The following PDE4A variants were observed in gnomAD, a reference collection of about 807,000 sequenced individuals.
The protein encoded by PDE4A is phosphodiesterase 4A, also known as 3',5'-cyclic-AMP phosphodiesterase 4A.
PDE4A carries 21 observed loss-of-function variants against 73.9 expected under a neutral mutation model. The ratio of observed to expected loss-of-function variants is 0.28; its 90% CI spans 0.20 to 0.41. The LOEUF is 0.41. Among genes scored for constraint, PDE4A ranks in the 10% least tolerant of loss-of-function variants. The pLI, the probability that PDE4A is intolerant of heterozygous loss-of-function variation, is 1.00. For missense variants in PDE4A, 958 were observed against 1,211.4 expected (o/e 0.79, Z 3.10); for synonymous variants, 463 against 505.4 (o/e 0.92, Z 1.13).
Position 10,467,338 on chromosome 19 carries a change from C to T in PDE4A, c.2378C>T (p.Pro793Leu), listed in dbSNP as rs201230564. 1.5e-5 allele frequency: 24 copies of T among 1,614,066 alleles called. No homozygotes were observed. The highest frequency in any genetic ancestry group is 5.5e-5 in the South Asian group (5 of 91,088). Residue 793 changes from proline (P) to leucine (L), a missense_variant, in exon 15 of 15, where the codon CCG (proline) becomes CTG (leucine). By Grantham distance (98) the Pro-to-Leu change is moderately conservative (BLOSUM62 -3). This residue lies in a region of PDE4A where 243 missense variants were observed against 245.9 expected (regional missense o/e 0.99). Coordinates refer to ENST00000380702, the MANE Select transcript of PDE4A (RefSeq NM_001111307.2). Reference protein sequence around the residue: ...AQSTGSAPVAPDEFSSREEFV... With the variant: ...AQSTGSAPVALDEFSSREEFV... The stretch of plus-strand genomic sequence containing the variant: ...TCCACAGGCAGTGCACCTGTGGCTC[C>T]GGATGAGTTCTCGTCCCGGGAGGAA...
chr19:10,419,058 T>TA, upstream of PDE4A: 1 of 389,114 alleles, frequency 2.6e-6, no homozygotes, highest in Non-Finnish European at 3.2e-6. Flanking sequence ...CCGGCAGTCT[T>TA]TTTTTTTTTT....
chr19:10,419,878 C>T (rs977936262), upstream of PDE4A, among the ~76,000 whole-genome samples: 1 of 152,242 alleles, frequency 6.6e-6, no homozygotes, highest in African/African-American at 2.4e-5. Context: ...CATGTGCGCA[C>T]ACATCCTTCA....
At chr19:10,440,759 C>T (rs780631625) in intron 1 of PDE4A, among the ~76,000 whole-genome samples, 32 of 151,902 alleles carry the variant, frequency 2.1e-4, no homozygotes, top group Non-Finnish European at 3.8e-4. Flanking sequence ...GCACCACGCC[C>T]GGCTAATTTT....
intron 1 of PDE4A, among the ~76,000 whole-genome samples, chr19:10,425,040 A>G (rs1166035520): frequency 2.0e-5 from 3 of 152,172 alleles, no homozygotes; most frequent in African/African-American, 2.4e-5. Context: ...CCTGGCCAAC[A>G]TGGTGAAACC....
chr19:10,456,594 G>C (rs2043174363), intron 7 of PDE4A, among the ~76,000 whole-genome samples: 1 of 151,684 alleles, frequency 6.6e-6, no homozygotes, highest in Non-Finnish European at 1.5e-5. Flanking sequence ...GCGTGTGCCT[G>C]TGGTCCCAGC....
rs1291078303 is a variant in PDE4A at position 10,457,958 on chromosome 19, C to T, written c.957C>T (p.Ser319=). 1 of 1,613,666 alleles carries T rather than the reference C, an allele frequency of 6.2e-7. No individual in the cohort carries two copies. The highest frequency in any genetic ancestry group is 2.2e-5 in the East Asian group (1 of 44,890). ...EKQQAPRPRP[S]QPPPPPVPHL... Reference sequence around the variant, plus strand: ...AGCAAGCGCCGCGACCAAGACCCTCCCAGCCGCCCCCGCCCCCTGTACCAC... The same window carrying T: ...AGCAAGCGCCGCGACCAAGACCCTCTCAGCCGCCCCCGCCCCCTGTACCAC... Residue 319 remains serine, a synonymous_variant, in exon 8 of 15, where the codon TCC becomes TCT. Transcript: ENST00000380702.
chr19:10,419,108 G>A, upstream of PDE4A: 2 of 979,176 alleles, frequency 2.0e-6, no homozygotes, highest in Non-Finnish European at 2.4e-6. Flanking sequence ...GCGGGGGGAG[G>A]GCGGTGGCAA....
intron 1 of PDE4A, among the ~76,000 whole-genome samples, chr19:10,426,257 C>A (rs1215097499): frequency 6.6e-6 from 1 of 152,174 alleles, no homozygotes; most frequent in Admixed American, 6.6e-5. Flanking sequence ...CTCCTCATTT[C>A]TAGCAGATTC....
chr19:10,430,076 G>A (rs2042767295), intron 1 of PDE4A, among the ~76,000 whole-genome samples: 1 of 152,038 alleles, frequency 6.6e-6, no homozygotes, highest in Non-Finnish European at 1.5e-5. Flanking sequence ...TATGCATGAT[G>A]GGATGATGAG....
chr19:10,418,603 C>G (rs950639537), upstream of PDE4A: 1 of 182,618 alleles, frequency 5.5e-6, no homozygotes, highest in South Asian at 1.8e-4. Context: ...CTGTCTCTCG[C>G]CCCTGGAGCT....
intron 14 of PDE4A, among the ~76,000 whole-genome samples, chr19:10,466,384 G>A (rs1291459808): frequency 2.8e-5 from 4 of 142,282 alleles, no homozygotes; most frequent in Non-Finnish European, 6.1e-5. Flanking sequence ...GGCAGAGGTT[G>A]CAGTGAGCCG....
In PDE4A at chr19:10,424,188, C is replaced by A. The variant is rs1404948449; in HGVS notation, c.320+3104C>A. On this transcript the variant is annotated intron_variant, in intron 1 of 14. Coordinates refer to ENST00000380702, the MANE Select transcript of PDE4A (RefSeq NM_001111307.2). This position sits in a 1 kb window ranked among gnomAD's most constrained non-coding sequence, Gnocchi z 4.8. ...GGCTGAGTCACGGCACAGCCACGAT[C>A]TGTCAAGAGGCAGATGGAGAGGGAG... Among the ~76,000 whole-genome samples, 1 of 152,230 alleles carries A rather than the reference C, an allele frequency of 6.6e-6. No homozygotes were observed. The highest frequency in any genetic ancestry group is 6.5e-5 in the Admixed American group (1 of 15,290).
intron 1 of PDE4A, chr19:10,431,081 G>A: frequency 6.4e-7 from 1 of 1,551,082 alleles, no homozygotes; most frequent in Non-Finnish European, 8.7e-7. Flanking sequence ...CTTGGGCTGG[G>A]GCTGGGTAAG....
chr19:10,463,843 G>T lies in PDE4A; in HGVS notation c.1794G>T (p.Pro598=), dbSNP rs753024205. 1 of 1,614,132 alleles carries T rather than the reference G, an allele frequency of 6.2e-7. No individual in the cohort carries two copies. Among genetic ancestry groups the T allele is most frequent in the South Asian group, 1.1e-5 (1 of 91,084 alleles). Residue 598 remains proline (P), a synonymous_variant, in exon 14 of 15, where the codon CCG becomes CCT. Transcript: ENST00000380702. The stretch of plus-strand genomic sequence containing the variant: ...CCGACCTCAGCAACCCCACCAAGCC[G>T]CTGGAGCTGTACCGCCAGTGGACAG... The part of the protein sequence containing the change: ...HCADLSNPTK[P]LELYRQWTDR...
chr19:10,430,968 C>T (rs1458001165), intron 1 of PDE4A: 1 of 1,545,574 alleles, frequency 6.5e-7, no homozygotes, highest in Non-Finnish European at 8.7e-7. Flanking sequence ...GCCCCGCCGC[C>T]CGCGTTCGCC....
intron 14 of PDE4A, among the ~76,000 whole-genome samples, chr19:10,465,683 C>CTTTTTTTTTTTTTTTTTTTTTTTTTT (rs749126870): frequency 4.1e-5 from 2 of 48,382 alleles, no homozygotes; most frequent in Non-Finnish European, 7.3e-5. Flanking sequence ...GTGGCTTTAG[C>CTTTTTTTTTTTTTTTTTTTTTTTTTT]TTTTTTTTTT....
In PDE4A at chr19:10,438,423, T is replaced by G. The variant is rs544866450; in HGVS notation, c.321-7795T>G. Among the ~76,000 whole-genome samples the G allele has an allele frequency of 2.6e-5, 4 of 152,104 alleles. No homozygotes were observed. In the South Asian group the frequency reaches 8.3e-4, roughly 32 times the overall value. ...ACCACACCTGGCCAGGACTTTTTAA[T>G]GTTCTCAGACTGAAACTTTAAGCAC... is the stretch of plus-strand genomic sequence containing the variant. On this transcript the variant is annotated intron_variant, in intron 1 of 14. Coordinates refer to ENST00000380702, the MANE Select transcript of PDE4A (RefSeq NM_001111307.2).
Position 10,459,627 on chromosome 19 carries a change from T to C in PDE4A, c.1233T>C (p.Pro411=), listed in dbSNP as rs1051736. Residue 411 remains proline (P), a synonymous_variant, in exon 10 of 15, where the codon CCT becomes CCC. Transcript: ENST00000380702. ...ACCTGCTGAAGAAATTCCGCATCCC[T>C]GTGGACACGATGGTGACATACATGC... is the stretch of plus-strand genomic sequence containing the variant. The part of the protein sequence containing the change: ...ERDLLKKFRI[P]VDTMVTYMLT... The C allele has an allele frequency of 1.2e-6, 2 of 1,614,222 alleles. No individual in the cohort carries two copies. The highest frequency in any genetic ancestry group is 1.7e-6 in the Non-Finnish European group (2 of 1,180,028).
At chr19:10,430,773 G>A (rs547051158) in intron 1 of PDE4A, 16 of 483,766 alleles carry the variant, frequency 3.3e-5, no homozygotes, top group Non-Finnish European at 4.0e-5. Context: ...CTGGGCAGGC[G>A]GCCTGCGTGG....
Sources: allele counts gnomAD v4.1 joint callset (sites outside exome capture counted in the v4.1 genomes callset), GRCh38; gene constraint gnomAD v4.1.1; regional missense constraint gnomAD v4.1.1; non-coding constraint Gnocchi (gnomAD v3.1); transcripts MANE v1.5; gene names NCBI Gene and HGNC (gene_info 2026-07-23, HGNC 2026-07-21).